Variants in JAZF1 observed in about 807,000 individuals in gnomAD.
JAZF1 encodes JAZF zinc finger 1.
Under a neutral mutation model 26.4 loss-of-function variants are expected in JAZF1, and 8 were observed. The observed-to-expected ratio is 0.30, with a 90% CI of 0.18 to 0.55. The LOEUF (loss-of-function observed/expected upper bound fraction) is 0.55. JAZF1 is among the 20% of genes least tolerant of loss of function. The probability of loss-of-function intolerance (pLI) is 0.94; values close to 1 mark genes in which losing one functional copy is unlikely to be tolerated. For synonymous variants in JAZF1, 126 were observed against 122.3 expected (o/e 1.03, Z -0.20); for missense variants, 199 against 322.0 (o/e 0.62, Z 2.92).
rs537764542 is a variant in JAZF1, at chr7:28,007,121, G to A, written c.116-15140C>T. Reference sequence around the variant, plus strand: ...ATAACTTAGGAGCAGGTAAAAGTATGCTATTCCTGATCTTTCCAATAAAGT... The same window carrying A: ...ATAACTTAGGAGCAGGTAAAAGTATACTATTCCTGATCTTTCCAATAAAGT... On this transcript the variant is annotated intron_variant, in intron 1 of 4. Transcript: ENST00000283928. Among the ~76,000 whole-genome samples the A allele has an allele frequency of 3.9e-5, 6 of 152,220 alleles. No individual in the cohort carries two copies. In the South Asian group the frequency reaches 1.2e-3, roughly 32 times the overall value.
chr7:27,926,940 G>T (rs1169543067), intron 2 of JAZF1, among the ~76,000 whole-genome samples: 1 of 152,042 alleles, frequency 6.6e-6, no homozygotes, highest in African/African-American at 2.4e-5. Flanking sequence ...CTTCTTTAGG[G>T]GATTAGACCA....
chr7:28,000,453 C>T (rs1786122521), intron 1 of JAZF1, among the ~76,000 whole-genome samples: 1 of 152,122 alleles, frequency 6.6e-6, no homozygotes, highest in African/African-American at 2.4e-5. Context: ...TTATGAGAAA[C>T]AGAGCTATTG....
At chr7:28,140,014 G>C (rs1048180273) in intron 1 of JAZF1, among the ~76,000 whole-genome samples, 5 of 152,004 alleles carry the variant, frequency 3.3e-5, no homozygotes, top group African/African-American at 1.2e-4. Context: ...GTTGCAGAAA[G>C]AAGTACTTAC....
chr7:27,929,038 G>A (rs945585687), intron 2 of JAZF1, among the ~76,000 whole-genome samples: 4 of 152,226 alleles, frequency 2.6e-5, no homozygotes, highest in African/African-American at 7.2e-5. Context: ...CTGGGCAAGA[G>A]GGGCACGTTC....
chr7:28,064,279 C>T (rs986869911), intron 1 of JAZF1, among the ~76,000 whole-genome samples: 1 of 151,964 alleles, frequency 6.6e-6, no homozygotes, highest in Non-Finnish European at 1.5e-5. Context: ...TCATCATTTT[C>T]TACTTTAACC....
intron 2 of JAZF1, among the ~76,000 whole-genome samples, chr7:27,957,054 C>G (rs938714918): frequency 6.6e-6 from 1 of 152,176 alleles, no homozygotes; most frequent in Non-Finnish European, 1.5e-5. Flanking sequence ...TCTGCTCTGC[C>G]CTGAGTCTGC....
intron 3 of JAZF1, among the ~76,000 whole-genome samples, chr7:27,881,123 T>C (rs139068068): frequency 7.7e-4 from 118 of 152,370 alleles, no homozygotes; most frequent in African/African-American, 2.4e-3. Context: ...ATTTTTATAT[T>C]TGCAGTTACT....
At chr7:28,113,742 T>G (rs56228773) in intron 1 of JAZF1, among the ~76,000 whole-genome samples, 1,924 of 152,130 alleles carry the variant, frequency 0.013, 31 homozygotes, top group African/African-American at 0.044. Context: ...TTCAGACTGG[T>G]TTTTCTAGCC....
At chr7:28,068,617 A>T (rs1222446394) in intron 1 of JAZF1, among the ~76,000 whole-genome samples, 2 of 152,174 alleles carry the variant, frequency 1.3e-5, no homozygotes, top group African/African-American at 4.8e-5. Flanking sequence ...AAGTAAAGCA[A>T]ATTGAGAGGT....
intron 2 of JAZF1, among the ~76,000 whole-genome samples, chr7:27,974,250 G>A (rs759746844): frequency 3.3e-5 from 5 of 152,042 alleles, no homozygotes; most frequent in Non-Finnish European, 5.9e-5. Flanking sequence ...TCTCCACATC[G>A]GTTAACAGCC....
At chr7:28,133,749 C>A (rs1177445160) in intron 1 of JAZF1, among the ~76,000 whole-genome samples, 1 of 152,142 alleles carries the variant, frequency 6.6e-6, no homozygotes, top group Non-Finnish European at 1.5e-5. Context: ...TCCTTCTGTT[C>A]CTCTAACAGG....
At position 27,840,686 on chromosome 7, in the gene JAZF1, C is replaced by A; in HGVS notation, c.555+12G>T. 6.2e-7 allele frequency: 1 copy of A among 1,613,394 alleles called. No individual in the cohort carries two copies. The highest frequency in any genetic ancestry group is 8.5e-7 in the Non-Finnish European group (1 of 1,179,618). ...CCATGTGGTTATGCCAAGCATGCAG[C>A]ACCTCTGTTACCTTGTATCTCTTTT... is the stretch of plus-strand genomic sequence containing the variant. On this transcript the variant is annotated intron_variant, in intron 4 of 4. Transcript: ENST00000283928. This position sits in a 1 kb window ranked among gnomAD's most constrained non-coding sequence, Gnocchi z 5.1.
chr7:28,059,074 G>C (rs192494680), intron 1 of JAZF1, among the ~76,000 whole-genome samples: 1 of 152,268 alleles, frequency 6.6e-6, no homozygotes, highest in Non-Finnish European at 1.5e-5. Context: ...TGGGGTGATA[G>C]TAGTAACATA....
intron 1 of JAZF1, among the ~76,000 whole-genome samples, chr7:28,062,580 C>T (rs1043366736): frequency 3.3e-5 from 5 of 149,622 alleles, no homozygotes; most frequent in Admixed American, 3.3e-4. Flanking sequence ...CACCGTGATA[C>T]TCCAACTCTC....
chr7:27,958,289 C>A (rs1444532425), intron 2 of JAZF1, among the ~76,000 whole-genome samples: 2 of 152,120 alleles, frequency 1.3e-5, no homozygotes, highest in Non-Finnish European at 2.9e-5. Context: ...ATTAAGATGG[C>A]TGATGTAAAT....
rs532323222 is a variant in JAZF1, at chr7:28,116,114, A to C, written c.115+64349T>G. On this transcript the variant is annotated intron_variant, in intron 1 of 4. Transcript: ENST00000283928. ...TAAACAATGGTCTAATGAGACACCT[A>C]CTCTATAGGTCACTGCATATGTATT... Among the ~76,000 whole-genome samples, 23 of 152,304 alleles carry C rather than the reference A, an allele frequency of 1.5e-4. No homozygotes were observed. In the East Asian group the frequency reaches 4.0e-3, roughly 27 times the overall value.
intron 1 of JAZF1, among the ~76,000 whole-genome samples, chr7:28,165,664 G>T (rs749733189): frequency 2.0e-5 from 3 of 152,070 alleles, no homozygotes; most frequent in African/African-American, 7.2e-5. Flanking sequence ...TGCCCCAATG[G>T]CTCATTCACT....
intron 3 of JAZF1, among the ~76,000 whole-genome samples, chr7:27,852,473 T>C (rs1489947975): frequency 6.6e-6 from 1 of 152,014 alleles, no homozygotes; most frequent in African/African-American, 2.4e-5. Flanking sequence ...ATTACTAGGG[T>C]CATTTGAGGT....
chr7:28,167,240 G>GTAAAACCTCCACCCCAGCCTCC (rs1783384025), intron 1 of JAZF1, among the ~76,000 whole-genome samples: 1 of 152,186 alleles, frequency 6.6e-6, no homozygotes. Context: ...CCGCTTCACA[G>GTAAAACCTCCACCCCAGCCTCC]TAAAACCTCC....
Sources: allele counts gnomAD v4.1 joint callset (sites outside exome capture counted in the v4.1 genomes callset), GRCh38; gene constraint gnomAD v4.1.1; non-coding constraint Gnocchi (gnomAD v3.1); transcripts MANE v1.5; gene names NCBI Gene and HGNC (gene_info 2026-07-23, HGNC 2026-07-21).